Variants in ARHGAP31 observed in about 807,000 individuals in gnomAD.
ARHGAP31 encodes Rho GTPase activating protein 31.
ARHGAP31 carries 34 observed loss-of-function variants against 113.9 expected under a neutral mutation model. The ratio of observed to expected loss-of-function variants is 0.30; its 90% CI spans 0.23 to 0.40. The LOEUF (loss-of-function observed/expected upper bound fraction) is 0.40. Among genes scored for constraint, ARHGAP31 ranks in the 10% least tolerant of loss-of-function variants. The probability of loss-of-function intolerance (pLI) is 1.00; values close to 1 mark genes in which losing one functional copy is unlikely to be tolerated. For missense variants in ARHGAP31, 1,548 were observed against 1,767.1 expected (o/e 0.88, Z 2.22); for synonymous variants, 650 against 684.8 (o/e 0.95, Z 0.79).
chr3:119,412,302 C>T lies in ARHGAP31; in HGVS notation c.1927-1554C>T, dbSNP rs571336586. Among the ~76,000 whole-genome samples the T allele has an allele frequency of 1.1e-4, 16 of 151,626 alleles. No homozygotes were observed. In the South Asian group the frequency reaches 2.5e-3, roughly 24 times the overall value. On this transcript the variant is annotated intron_variant, in intron 11 of 11. Transcript: ENST00000264245. ...ACTTGGGAGGCTGAGGCAGGAGAAT[C>T]GCTTGAACCCGGGAGGAGGAGGTTG...
At chr3:119,330,332 G>T (rs2079881812) in intron 1 of ARHGAP31, among the ~76,000 whole-genome samples, 1 of 152,162 alleles carries the variant, frequency 6.6e-6, no homozygotes, top group Non-Finnish European at 1.5e-5. Context: ...TCAGTGTGCG[G>T]GCATCATAGG....
chr3:119,319,124 C>T (rs931653371), intron 1 of ARHGAP31, among the ~76,000 whole-genome samples: 1 of 151,532 alleles, frequency 6.6e-6, no homozygotes, highest in Non-Finnish European at 1.5e-5. Flanking sequence ...TTCCAAAGCT[C>T]GGCTCAAACG....
At chr3:119,309,841 T>C (rs2079663344) in intron 1 of ARHGAP31, among the ~76,000 whole-genome samples, 1 of 152,084 alleles carries the variant, frequency 6.6e-6, no homozygotes, top group Admixed American at 6.5e-5. Flanking sequence ...GCCAAAAAAG[T>C]TGGGGACCAC....
chr3:119,334,715 T>C (rs2079927553), intron 1 of ARHGAP31, among the ~76,000 whole-genome samples: 1 of 152,240 alleles, frequency 6.6e-6, no homozygotes, highest in Non-Finnish European at 1.5e-5. Flanking sequence ...TCCACGTTTA[T>C]TGGAGGCTGA....
chr3:119,361,029 C>A (rs761449184), intron 1 of ARHGAP31, among the ~76,000 whole-genome samples: 1 of 152,206 alleles, frequency 6.6e-6, no homozygotes, highest in Non-Finnish European at 1.5e-5. Context: ...AACTACTCAG[C>A]TATTTTGATC....
intron 1 of ARHGAP31, among the ~76,000 whole-genome samples, chr3:119,350,240 G>A (rs1354561971): frequency 6.6e-6 from 1 of 152,150 alleles, no homozygotes; most frequent in East Asian, 1.9e-4. Flanking sequence ...GCGCTGGGAG[G>A]CCTCAGTACC....
In ARHGAP31 at chr3:119,294,650, C is replaced by A. The variant is rs537935465; in HGVS notation, c.-255C>A. The A allele has an allele frequency of 8.9e-6, 5 of 562,788 alleles. No homozygotes were observed. The East Asian group carries it at 1.5e-4, about 17-fold the overall frequency. The allele number at this position is 562,788 out of a possible 1,614,324, so 34.9% of individuals were successfully genotyped here. On this transcript the variant is annotated 5_prime_UTR_variant, in exon 1 of 12. Transcript: ENST00000264245. ...CAAGTGAGGAAGTGACACTCCCAGG[C>A]GAGCCGGCCCGCGGCTGCCAGTCTG...
intron 1 of ARHGAP31, among the ~76,000 whole-genome samples, chr3:119,348,547 C>T (rs2080082585): frequency 6.6e-6 from 1 of 152,140 alleles, no homozygotes; most frequent in South Asian, 2.1e-4. Flanking sequence ...TTCCAGGACC[C>T]CCATGGATAC....
intron 3 of ARHGAP31, among the ~76,000 whole-genome samples, chr3:119,373,082 A>G (rs2107626631): frequency 6.6e-6 from 1 of 152,358 alleles, no homozygotes; most frequent in Middle Eastern, 3.4e-3. Context: ...CCATAAAAGC[A>G]AAGGAAAAAA....
In ARHGAP31 at chr3:119,415,912, G is replaced by T. The variant is rs199708581; in HGVS notation, c.3983G>T (p.Arg1328Leu). Residue 1328 changes from arginine to leucine, a missense_variant, in exon 12 of 12, where the codon CGA (arginine) becomes CTA (leucine). Physicochemically the swap from Arg to Leu is moderately radical, Grantham distance 102. Coordinates refer to ENST00000264245, the MANE Select transcript of ARHGAP31 (RefSeq NM_020754.4). The stretch of plus-strand genomic sequence containing the variant: ...AACCTTCTTTCTTCAAAACTAGAGC[G>T]ACCATCTGGGGGTTCTAAGCCTTTC... ...GDNLLSSKLERPSGGSKPFHR... is the reference protein window; with the variant it reads ...GDNLLSSKLELPSGGSKPFHR... 8.1e-6 allele frequency: 13 copies of T among 1,614,060 alleles called. No individual in the cohort carries two copies. Among genetic ancestry groups the T allele is most frequent in the Non-Finnish European group, 8.5e-7 (1 of 1,180,050 alleles).
At chr3:119,358,007 A>C (rs111390740) in intron 1 of ARHGAP31, among the ~76,000 whole-genome samples, 2,624 of 152,338 alleles carry the variant, frequency 0.017, 47 homozygotes, top group East Asian at 0.061. Context: ...ACAAAAGAAA[A>C]ACATAGATAA....
intron 6 of ARHGAP31, among the ~76,000 whole-genome samples, chr3:119,387,759 C>T (rs1485901148): frequency 1.3e-5 from 2 of 152,080 alleles, no homozygotes; most frequent in Admixed American, 1.3e-4. Context: ...CATCAGTGCC[C>T]AAAATGACAG....
intron 1 of ARHGAP31, among the ~76,000 whole-genome samples, chr3:119,325,676 C>T (rs370040196): frequency 8.6e-5 from 13 of 151,846 alleles, no homozygotes; most frequent in Middle Eastern, 3.4e-3. Flanking sequence ...AAGGGGGGGA[C>T]GGAAATGACT....
chr3:119,297,909 AACAC>A (rs10575145), intron 1 of ARHGAP31, among the ~76,000 whole-genome samples: 10,813 of 142,670 alleles, frequency 0.076, 488 homozygotes, highest in African/African-American at 0.15. Context: ...TTTCCTTAGA[AACAC>A]ACACACACAC....
rs1184035075 is a variant in ARHGAP31, at chr3:119,409,796, T to C, written c.1926+20T>C. ...GAGATGGTAAAGTGCATTCTCCACC[T>C]GCTCCAGCCAGGTGGAGTTATTTTT... On this transcript the variant is annotated intron_variant, in intron 11 of 11. Coordinates refer to ENST00000264245, the MANE Select transcript of ARHGAP31 (RefSeq NM_020754.4). 8 of 1,579,602 alleles carry C rather than the reference T, an allele frequency of 5.1e-6. 1 individual carries two copies. In the South Asian group the frequency reaches 9.3e-5, roughly 18 times the overall value.
intron 1 of ARHGAP31, among the ~76,000 whole-genome samples, chr3:119,314,034 C>T (rs2079707339): frequency 6.6e-6 from 1 of 152,244 alleles, no homozygotes; most frequent in Non-Finnish European, 1.5e-5. Flanking sequence ...AGGTTTGCCG[C>T]CTTCACATGC....
At chr3:119,334,288 C>T (rs767989854) in intron 1 of ARHGAP31, among the ~76,000 whole-genome samples, 1 of 152,212 alleles carries the variant, frequency 6.6e-6, no homozygotes, top group Non-Finnish European at 1.5e-5. Flanking sequence ...CTTGGCAGGG[C>T]TCCTGTCGGA....
At chr3:119,393,430 G>A in intron 7 of ARHGAP31, 37 bp from the exon 8 acceptor site, 1 of 1,613,316 alleles carries the variant, frequency 6.2e-7, no homozygotes, top group Non-Finnish European at 8.5e-7. Context: ...GAAATGACAA[G>A]TTAACAAACT....
At chr3:119,336,977 T>TTA (rs2079956660) in intron 1 of ARHGAP31, among the ~76,000 whole-genome samples, 1 of 152,264 alleles carries the variant, frequency 6.6e-6, no homozygotes, top group Non-Finnish European at 1.5e-5. Flanking sequence ...TTAAAGCTTA[T>TTA]GTTAGTACTT....
Sources: gnomAD v4.1 joint callset for allele counts (sites outside exome capture counted in the v4.1 genomes callset) on GRCh38, gnomAD v4.1.1 for gene constraint, MANE v1.5 for transcripts, NCBI Gene and HGNC (gene_info 2026-07-23, HGNC 2026-07-21) for gene names.